CSMD1: variants seen among roughly 807,000 people sequenced by gnomAD.
The protein encoded by CSMD1 is CUB and Sushi multiple domains 1, also known as CUB and sushi domain-containing protein 1.
In CSMD1, 213 loss-of-function variants were observed where a neutral mutation model predicts 417.5. That is an observed-to-expected ratio of 0.51 (90% CI 0.46 to 0.57). CSMD1 has a LOEUF of 0.57. Ranked by LOEUF, CSMD1 falls within the 20% of genes least tolerant of loss-of-function variation. The probability of loss-of-function intolerance (pLI) is 0.00; values close to 1 mark genes in which losing one functional copy is unlikely to be tolerated. For missense variants in CSMD1, 6,923 were observed against 4,529.7 expected (o/e 1.53, Z -15.17); for synonymous variants, 2,862 against 1,736.8 (o/e 1.65, Z -16.11).
Position 3,624,772 on chromosome 8 carries a change from A to T in CSMD1, c.1010-7975T>A, listed in dbSNP as rs555215540. 2.6e-5 allele frequency among the ~76,000 whole-genome samples: 4 copies of T among 152,302 alleles called. No individual in the cohort carries two copies. In the East Asian group the frequency reaches 5.8e-4, roughly 22 times the overall value. ...AGACCTTCCTGCTTTACTCAGTTTG[A>T]AATATGTCAACAATGACAGCTTTTT... is the stretch of plus-strand genomic sequence containing the variant. On this transcript the variant is annotated intron_variant, in intron 7 of 69. Coordinates refer to ENST00000635120, the MANE Select transcript of CSMD1 (RefSeq NM_033225.6).
At chr8:4,113,206 T>G (rs542579204) in intron 3 of CSMD1, among the ~76,000 whole-genome samples, 47 of 152,124 alleles carry the variant, frequency 3.1e-4, no homozygotes, top group Non-Finnish European at 5.6e-4. Context: ...ATTCGGACAG[T>G]TAAAAATCCT....
chr8:4,136,622 T>G (rs904232594), intron 3 of CSMD1, among the ~76,000 whole-genome samples: 2 of 152,220 alleles, frequency 1.3e-5, no homozygotes, highest in African/African-American at 4.8e-5. Flanking sequence ...TGAATATATT[T>G]CCATAAAAAT....
chr8:4,096,371 A>G (rs969301486), intron 3 of CSMD1, among the ~76,000 whole-genome samples: 7 of 152,054 alleles, frequency 4.6e-5, no homozygotes, highest in African/African-American at 1.2e-4. Context: ...GCTCCCAGAC[A>G]TGGCCTAGTG....
At chr8:4,761,371 GGTGTGT>G (rs36015588) in intron 1 of CSMD1, among the ~76,000 whole-genome samples, 14 of 150,874 alleles carry the variant, frequency 9.3e-5, no homozygotes, top group African/African-American at 2.7e-4. Flanking sequence ...CGTGTTACTT[GGTGTGT>G]GTGTGTGTAT....
chr8:4,292,240 C>T (rs949694624), intron 3 of CSMD1, among the ~76,000 whole-genome samples: 7 of 151,942 alleles, frequency 4.6e-5, no homozygotes, highest in African/African-American at 7.3e-5. Context: ...ATTTTGTTGT[C>T]GTCGTTGTTG....
At chr8:3,446,202 T>A (rs1226219640) in intron 12 of CSMD1, among the ~76,000 whole-genome samples, 3 of 152,088 alleles carry the variant, frequency 2.0e-5, no homozygotes, top group Middle Eastern at 3.2e-3. Flanking sequence ...AAAAAAATCG[T>A]GAATGCACTT....
chr8:3,501,039 T>A (rs534219546), intron 10 of CSMD1, among the ~76,000 whole-genome samples: 1 of 152,266 alleles, frequency 6.6e-6, no homozygotes, highest in Non-Finnish European at 1.5e-5. Flanking sequence ...CTTGACAAAA[T>A]ATTAATTTAT....
chr8:3,393,732 G>C (rs1811489926), intron 17 of CSMD1, among the ~76,000 whole-genome samples: 1 of 151,496 alleles, frequency 6.6e-6, no homozygotes, highest in Non-Finnish European at 1.5e-5. Context: ...AGCAAACTAT[G>C]GCAAAGACAA....
chr8:4,630,643 G>C (rs182414330), intron 2 of CSMD1, among the ~76,000 whole-genome samples: 14 of 152,268 alleles, frequency 9.2e-5, no homozygotes, highest in Admixed American at 9.2e-4. Context: ...GTAGAATAGT[G>C]ACAAAATCAC....
intron 10 of CSMD1, among the ~76,000 whole-genome samples, chr8:3,501,955 C>A (rs1796618562): frequency 6.6e-6 from 1 of 152,062 alleles, no homozygotes; most frequent in Admixed American, 6.6e-5. Context: ...AGAACACATA[C>A]AACAATCATT....
At chr8:3,841,399 T>G (rs573022182) in intron 5 of CSMD1, among the ~76,000 whole-genome samples, 2 of 152,184 alleles carry the variant, frequency 1.3e-5, no homozygotes, top group African/African-American at 4.8e-5. Flanking sequence ...ATGTGTTTGA[T>G]TGCTTTTATG....
intron 2 of CSMD1, among the ~76,000 whole-genome samples, chr8:4,513,962 C>G (rs370447537): frequency 6.6e-6 from 1 of 152,158 alleles, no homozygotes; most frequent in African/African-American, 2.4e-5. Context: ...TCACTTGGGA[C>G]TCTTTTTAAC....
chr8:3,954,221 G>A (rs79445605), intron 5 of CSMD1, among the ~76,000 whole-genome samples: 3,261 of 152,276 alleles, frequency 0.021, 53 homozygotes, highest in Non-Finnish European at 0.032. Context: ...GAGAAAAAGA[G>A]ACCCAGGCAA....
intron 12 of CSMD1, among the ~76,000 whole-genome samples, chr8:3,457,466 A>G (rs1340874548): frequency 2.0e-5 from 3 of 152,210 alleles, no homozygotes; most frequent in Non-Finnish European, 4.4e-5. Context: ...CTCACATGTT[A>G]AAGCAAGAGG....
chr8:3,603,661 C>T (rs1211415418), intron 8 of CSMD1, among the ~76,000 whole-genome samples: 1 of 152,124 alleles, frequency 6.6e-6, no homozygotes, highest in Non-Finnish European at 1.5e-5. Flanking sequence ...CAACAAGAAA[C>T]CAAACTTGAA....
intron 4 of CSMD1, among the ~76,000 whole-genome samples, chr8:4,026,924 CAACAAACA>C (rs61192854): frequency 0.17 from 25,323 of 151,898 alleles, 2,687 homozygotes; most frequent in African/African-American, 0.29. Flanking sequence ...ACCAACCAAA[CAACAAACA>C]AACAAACAAA....
At chr8:3,582,592 A>C (rs1198152791) in intron 9 of CSMD1, among the ~76,000 whole-genome samples, 1 of 152,230 alleles carries the variant, frequency 6.6e-6, no homozygotes, top group African/African-American at 2.4e-5. Flanking sequence ...ATATGTGGCA[A>C]CTGCTAGCCA....
intron 10 of CSMD1, among the ~76,000 whole-genome samples, chr8:3,524,116 TA>T (rs1797646953): frequency 7.6e-6 from 1 of 131,688 alleles, no homozygotes; most frequent in Non-Finnish European, 1.6e-5. Context: ...CATATGGACA[TA>T]TGTGCACATA....
chr8:3,340,048 C>T (rs183443160), intron 23 of CSMD1, among the ~76,000 whole-genome samples: 1,736 of 152,288 alleles, frequency 0.011, 41 homozygotes, highest in African/African-American at 0.039. Context: ...TCTGGTTTTT[C>T]TTCCCAGGCA....
Sources: gnomAD v4.1 joint callset for allele counts (sites outside exome capture counted in the v4.1 genomes callset) on GRCh38, gnomAD v4.1.1 for gene constraint, MANE v1.5 for transcripts, NCBI Gene and HGNC (gene_info 2026-07-23, HGNC 2026-07-21) for gene names.